Variants in ZNF324B observed in about 807,000 individuals in gnomAD.
ZNF324B encodes the protein zinc finger protein 324B.
ZNF324B carries 7 observed loss-of-function variants against 10.6 expected under a neutral mutation model. That is an observed-to-expected ratio of 0.66 (90% confidence interval 0.38 to 1.24). The LOEUF (loss-of-function observed/expected upper bound fraction) is 1.24. ZNF324B is among the 50% of genes most tolerant of loss of function. ZNF324B has a pLI of 0.02. For synonymous variants in ZNF324B, 316 were observed against 321.0 expected, an observed-to-expected ratio of 0.98 and a Z score of 0.17; for missense variants, 640 against 764.7, an observed-to-expected ratio of 0.84 and a Z score of 1.92.
At chr19:58,454,796 G>C (rs548187121) in intron 3 of ZNF324B, among the ~76,000 whole-genome samples, 1 of 152,314 alleles carries the variant, frequency 6.6e-6, no homozygotes, top group Admixed American at 6.5e-5. Flanking sequence ...GCATTGGTTG[G>C]AGGTCATTGC....
At chr19:58,447,318 G>A (rs2052832522), upstream of ZNF324B, among the ~76,000 whole-genome samples, 2 of 152,218 alleles carry the variant, frequency 1.3e-5, no homozygotes, top group African/African-American at 4.8e-5. Flanking sequence ...GTTGGCTAGG[G>A]TCAATCAGCT....
the ZNF324B span, among the ~76,000 whole-genome samples, chr19:58,420,990 C>G: frequency 6.6e-6 from 1 of 150,716 alleles, no homozygotes; most frequent in African/African-American, 2.4e-5. Flanking sequence ...CGGCGTGAGC[C>G]ACCGCACCCA....
chr19:58,452,727 T>G (rs1214344448), intron 1 of ZNF324B: 3 of 860,054 alleles, frequency 3.5e-6, no homozygotes, highest in Non-Finnish European at 4.2e-6. Context: ...ACAGGGCCTA[T>G]AAACTGGACT....
chr19:58,457,298 A>T lies in ZNF324B; in HGVS notation c.*719A>T, dbSNP rs1353269788. The T allele has an allele frequency of 6.6e-6, 1 of 152,638 alleles. No individual in the cohort carries two copies. Among genetic ancestry groups the T allele is most frequent in the Non-Finnish European group, 1.5e-5 (1 of 68,212 alleles). 9.5% of individuals were successfully genotyped at this position (152,638 alleles called of 1,614,324 possible). A position where few individuals can be genotyped will look rare whatever the true frequency, so the allele number is the denominator to read the frequency against. ...CAGCTGACTCAGGAGAGGAATGCCC[A>T]TGGTTCTCAGCATTGGAAGGACAAA... On this transcript the variant is annotated 3_prime_UTR_variant, in exon 4 of 4. Coordinates refer to ENST00000336614, the MANE Select transcript of ZNF324B (RefSeq NM_207395.3).
chr19:58,433,431 A>C, the ZNF324B span: 2 of 1,614,146 alleles, frequency 1.2e-6, no homozygotes, highest in African/African-American at 1.3e-5. Flanking sequence ...TCTGGTGCCG[A>C]ACAAGTGTAG....
rs199858730 is a variant in ZNF324B at position 58,456,511 on chromosome 19, C to A, written c.1567C>A (p.Gln523Lys). ...CTGCACCCCGGGGCCAGGTTTCCTTCAGGGACATCATCGGAAGGTGCGCCG... is the reference window on the plus strand; with the variant it reads ...CTGCACCCCGGGGCCAGGTTTCCTTAAGGGACATCATCGGAAGGTGCGCCG... ...PDCTPGPGFLQGHHRKVRRGG... is the reference protein window; with the variant it reads ...PDCTPGPGFLKGHHRKVRRGG... The change falls in exon 4 of 4, where the codon CAG (glutamine) becomes AAG (lysine). Residue 523 changes from glutamine to lysine, a missense_variant. Transcript: ENST00000336614. The surrounding 1 kb of genome is among the most constrained non-coding windows in gnomAD (Gnocchi z 4.7). The A allele has an allele frequency of 5.8e-5, 94 of 1,614,222 alleles. 1 individual carries two copies. In the East Asian group the frequency reaches 2.0e-3, roughly 35 times the overall value.
At chr19:58,427,378 CTTTCTTTCTTTCTTTCTTTCTTTCT>C in the ZNF324B span, among the ~76,000 whole-genome samples, 6 of 44,538 alleles carry the variant, frequency 1.3e-4, no homozygotes, top group Non-Finnish European at 2.0e-4. Context: ...TTCTTTCTTT[CTTTCTTTCTTTCTTTCTTTCTTTCT>C]TTCCTTCCTT....
At chr19:58,454,986 C>A in intron 3 of ZNF324B, 197 bp from the exon 4 acceptor site, 1 of 771,730 alleles carries the variant, frequency 1.3e-6, no homozygotes, top group Non-Finnish European at 2.2e-6. Flanking sequence ...TGGGAGTCCC[C>A]ACTGCAGTCA....
At chr19:58,423,514 A>T in the ZNF324B span, among the ~76,000 whole-genome samples, 5 of 152,342 alleles carry the variant, frequency 3.3e-5, no homozygotes, top group Non-Finnish European at 7.3e-5. Context: ...TACAGATTCA[A>T]TGCAATCCCT....
the ZNF324B span, among the ~76,000 whole-genome samples, chr19:58,422,726 A>G: frequency 0.1 from 15,622 of 152,206 alleles, 2,516 homozygotes; most frequent in African/African-American, 0.35. Context: ...ATTACAGAAC[A>G]TTGATAATAG....
At chr19:58,425,289 G>T in the ZNF324B span, among the ~76,000 whole-genome samples, 5 of 151,134 alleles carry the variant, frequency 3.3e-5, no homozygotes, top group East Asian at 7.8e-4. Context: ...TTGCTCTATT[G>T]CCCAGGCTGG....
chr19:58,442,936 T>G, the ZNF324B span: 1 of 152,284 alleles, frequency 6.6e-6, no homozygotes, highest in East Asian at 1.9e-4. Context: ...GCTGCTGGCT[T>G]GGGTGGCCAG....
the ZNF324B span, chr19:58,443,798 T>G: frequency 3.3e-5 from 5 of 152,256 alleles, no homozygotes; most frequent in East Asian, 9.6e-4. Context: ...GCATTGACTT[T>G]GTGAAGTTCA....
chr19:58,427,268 G>A, the ZNF324B span, among the ~76,000 whole-genome samples: 486 of 141,052 alleles, frequency 3.4e-3, 4 homozygotes, highest in African/African-American at 0.012. Flanking sequence ...GGGATTACAC[G>A]CATGCGCCAC....
the ZNF324B span, chr19:58,437,660 T>C: frequency 2.7e-4 from 258 of 966,126 alleles, 1 homozygote; most frequent in African/African-American, 4.0e-3. Context: ...AGTTCTTATA[T>C]TTCCAACCCC....
At chr19:58,433,540 GC>G in the ZNF324B span, 1 of 1,614,144 alleles carries the variant, frequency 6.2e-7, no homozygotes, top group Middle Eastern at 1.6e-4. Flanking sequence ...ACTGCTAAAG[GC>G]TCTCCCACAT....
the ZNF324B span, among the ~76,000 whole-genome samples, chr19:58,438,988 G>T: frequency 5.3e-4 from 80 of 151,232 alleles, 1 homozygote; most frequent in Admixed American, 4.3e-3. Context: ...TGGCCAGGCT[G>T]GTCTTGAACT....
At chr19:58,447,358 C>G (rs2052832672), upstream of ZNF324B, among the ~76,000 whole-genome samples, 2 of 152,198 alleles carry the variant, frequency 1.3e-5, no homozygotes, top group South Asian at 4.1e-4. Context: ...AGTGCTAATC[C>G]TGTGCAGGGT....
At chr19:58,433,633 C>T in the ZNF324B span, 1 of 1,614,226 alleles carries the variant, frequency 6.2e-7, no homozygotes. Flanking sequence ...GAATTTCCCA[C>T]ATTCACTGCA....
Sources: allele counts gnomAD v4.1 joint callset (sites outside exome capture counted in the v4.1 genomes callset), GRCh38; gene constraint gnomAD v4.1.1; non-coding constraint Gnocchi (gnomAD v3.1); transcripts MANE v1.5; gene names NCBI Gene and HGNC (gene_info 2026-07-23, HGNC 2026-07-21).